DNAH9: variants seen among roughly 807,000 people sequenced by gnomAD.
The protein encoded by DNAH9 is dynein axonemal heavy chain 9, also known as DNAH9 variant protein.
A neutral mutation model predicts 471.6 loss-of-function variants in DNAH9; 345 were observed. That is an observed-to-expected ratio of 0.73 (90% CI 0.67 to 0.80). DNAH9 has a LOEUF of 0.80. Among genes scored for constraint, DNAH9 ranks in the 30% least tolerant of loss-of-function variants. The probability of loss-of-function intolerance (pLI) is 0.00; values close to 1 mark genes in which losing one functional copy is unlikely to be tolerated. For missense variants in DNAH9, 5,407 were observed against 5,609.2 expected (o/e 0.96, Z 1.15); for synonymous variants, 2,093 against 2,123.6 (o/e 0.99, Z 0.40).
At chr17:11,778,494 C>T (rs1430059146) in intron 38 of DNAH9, among the ~76,000 whole-genome samples, 1 of 151,868 alleles carries the variant, frequency 6.6e-6, no homozygotes, top group Non-Finnish European at 1.5e-5. Context: ...AGACAGGATG[C>T]CACTGGAGGG....
Position 11,933,919 on chromosome 17 carries a change from A to G in DNAH9, c.12337A>G (p.Met4113Val), listed in dbSNP as rs1476643053. Residue 4113 changes from methionine (M) to valine (V), a missense_variant, in exon 65 of 69, where the codon ATG becomes GTG. By Grantham distance (21) the Met-to-Val change is conservative (BLOSUM62 1). Transcript: ENST00000262442. ...DDLRYLFGEI[M>V]YGGHITDDWD... ...TTTGCGCTACCTGTTTGGAGAGATC[A>G]TGTATGGAGGCCATATCACAGATGA... The G allele has an allele frequency of 3.1e-6, 5 of 1,614,120 alleles. No individual in the cohort carries two copies. The highest frequency in any genetic ancestry group is 3.4e-6 in the Non-Finnish European group (4 of 1,180,018).
chr17:11,620,499 G>A (rs1597396459), intron 6 of DNAH9, among the ~76,000 whole-genome samples: 1 of 123,508 alleles, frequency 8.1e-6, no homozygotes, highest in African/African-American at 3.1e-5. Context: ...GTGACAGAAC[G>A]AGACTCTGTC....
chr17:11,673,110 C>T (rs1011293547), intron 17 of DNAH9, among the ~76,000 whole-genome samples: 2 of 152,180 alleles, frequency 1.3e-5, no homozygotes, highest in African/African-American at 4.8e-5. Context: ...TCTGACCAGT[C>T]CTACATTTCA....
chr17:11,804,698 C>A lies in DNAH9; in HGVS notation c.8421-3034C>A, dbSNP rs180914000. 2.6e-5 allele frequency among the ~76,000 whole-genome samples: 4 copies of A among 152,140 alleles called. No individual in the cohort carries two copies. In the East Asian group the frequency reaches 7.7e-4, roughly 29 times the overall value. ...GTCCATCCTGGCTAACCTGGTGAAA[C>A]CCCATCTCTACTAAAAAAACAAAAA... On this transcript the variant is annotated intron_variant, in intron 43 of 68. Transcript: ENST00000262442.
chr17:11,637,110 C>T (rs911189171), intron 9 of DNAH9, among the ~76,000 whole-genome samples: 5 of 152,138 alleles, frequency 3.3e-5, no homozygotes, highest in Non-Finnish European at 5.9e-5. Flanking sequence ...CAACACGCCT[C>T]CATTCGAAAA....
At chr17:11,707,992 CACACACACACACACACACACACAG>C (rs1459337182) in intron 26 of DNAH9, among the ~76,000 whole-genome samples, 1,708 of 75,738 alleles carry the variant, frequency 0.023, 13 homozygotes, top group East Asian at 0.062. Flanking sequence ...CACACACACA[CACACACACACACACACACACACAG>C]AGAGAGAGAG....
In DNAH9 at chr17:11,664,941, T is replaced by C. The variant is rs756689284; in HGVS notation, c.2704T>C (p.Ser902Pro). 3.1e-6 allele frequency: 5 copies of C among 1,613,540 alleles called. No homozygotes were observed. The highest frequency in any genetic ancestry group is 3.3e-5 in the Admixed American group (2 of 60,018). The change falls in exon 15 of 69, where the codon TCC becomes CCC. Residue 902 changes from serine to proline, a missense_variant. Physicochemically the swap from Ser to Pro is moderately conservative, Grantham distance 74. This residue lies in a region of DNAH9 where 4,636 missense variants were observed against 4,900.3 expected (regional missense o/e 0.95). Transcript: ENST00000262442. ...LNGFFLAIEC[S>P]LKYLLENTEC... ...TGGATTCTTTCTTGCCATTGAGTGC[T>C]CCCTCAAGTATCTTCTGGAAAATAC...
intron 50 of DNAH9, among the ~76,000 whole-genome samples, chr17:11,859,317 C>T (rs1349951275): frequency 6.8e-6 from 1 of 148,130 alleles, no homozygotes; most frequent in Non-Finnish European, 1.5e-5. Context: ...GAGGCTGAGG[C>T]AGAAGAATTG....
intron 48 of DNAH9, among the ~76,000 whole-genome samples, chr17:11,827,077 G>A (rs1298528791): frequency 6.6e-6 from 1 of 151,946 alleles, no homozygotes; most frequent in Non-Finnish European, 1.5e-5. Flanking sequence ...CACCCGTCTT[G>A]GCCTCCCAAG....
intron 28 of DNAH9, among the ~76,000 whole-genome samples, chr17:11,737,745 A>G (rs955677201): frequency 7.2e-5 from 11 of 152,154 alleles, no homozygotes; most frequent in Non-Finnish European, 1.2e-4. Flanking sequence ...TACATTTAAG[A>G]GAAAGTCTGA....
In DNAH9 at chr17:11,781,661, G is replaced by C. The variant is rs35792467; in HGVS notation, c.7718+487G>C. ...AGCCTGGCCAACATGGTGAAACCCC[G>C]TCTGTACTGAAAATACAAAAATTAG... On this transcript the variant is annotated intron_variant, in intron 39 of 68. Transcript: ENST00000262442. Among the ~76,000 whole-genome samples, 11 of 151,842 alleles carry C rather than the reference G, an allele frequency of 7.2e-5. No individual in the cohort carries two copies. The East Asian group carries it at 1.4e-3, about 19-fold the overall frequency.
At chr17:11,861,499 C>G (rs1971847560) in intron 50 of DNAH9, among the ~76,000 whole-genome samples, 1 of 152,090 alleles carries the variant, frequency 6.6e-6, no homozygotes, top group Non-Finnish European at 1.5e-5. Flanking sequence ...GTGCATATGT[C>G]TTTATAGCAG....
chr17:11,708,002 CACACACACACACAGAGAGAGAG>C (rs1173954943), intron 26 of DNAH9, among the ~76,000 whole-genome samples: 16 of 49,792 alleles, frequency 3.2e-4, no homozygotes, highest in East Asian at 7.5e-4. Context: ...CACACACACA[CACACACACACACAGAGAGAGAG>C]AGAGAGAGAG....
At chr17:11,830,777 T>C (rs1970661515) in intron 48 of DNAH9, among the ~76,000 whole-genome samples, 1 of 152,222 alleles carries the variant, frequency 6.6e-6, no homozygotes, top group African/African-American at 2.4e-5. Flanking sequence ...TAGGGCTTAA[T>C]TTGAACAGGG....
At chr17:11,916,316 C>T (rs1973956710) in intron 61 of DNAH9, among the ~76,000 whole-genome samples, 1 of 152,178 alleles carries the variant, frequency 6.6e-6, no homozygotes, top group Non-Finnish European at 1.5e-5. Context: ...TTATCTCAGC[C>T]CTGCCCTTGG....
At chr17:11,699,586 T>C in intron 22 of DNAH9, 145 bp from the exon 23 acceptor site, 1 of 683,168 alleles carries the variant, frequency 1.5e-6, no homozygotes, top group South Asian at 1.8e-5. Context: ...CACATCAGCA[T>C]TGTTCCCACA....
At chr17:11,839,140 G>T (rs72815406) in intron 49 of DNAH9, among the ~76,000 whole-genome samples, 9,508 of 152,118 alleles carry the variant, frequency 0.063, 774 homozygotes, top group East Asian at 0.42. Context: ...ACTTGGAATG[G>T]TCTATTTATT....
intron 29 of DNAH9, among the ~76,000 whole-genome samples, chr17:11,740,700 T>C (rs1220724149): frequency 1.3e-5 from 2 of 152,198 alleles, no homozygotes; most frequent in African/African-American, 2.4e-5. Context: ...GTAGTACTAG[T>C]TTCTCCAGTG....
intron 61 of DNAH9, among the ~76,000 whole-genome samples, chr17:11,919,400 C>G (rs1203753045): frequency 2.7e-5 from 4 of 148,340 alleles, no homozygotes; most frequent in African/African-American, 1.0e-4. Context: ...GAGGCTGAGG[C>G]AGGAGAATGG....
Sources: gnomAD v4.1 joint callset for allele counts (sites outside exome capture counted in the v4.1 genomes callset) on GRCh38, gnomAD v4.1.1 for gene constraint, gnomAD v4.1.1 regional missense constraint, MANE v1.5 for transcripts, NCBI Gene and HGNC (gene_info 2026-07-23, HGNC 2026-07-21) for gene names.